LARGE1: variants seen among roughly 807,000 people sequenced by gnomAD.
LARGE1 encodes the protein LARGE xylosyl- and glucuronyltransferase 1.
In LARGE1, 43 loss-of-function variants were observed where a neutral mutation model predicts 87.6. The observed-to-expected ratio is 0.49, with a 90% CI of 0.38 to 0.63. The LOEUF is 0.63. Among genes scored for constraint, LARGE1 ranks in the 30% least tolerant of loss-of-function variants. The pLI, the probability that LARGE1 is intolerant of heterozygous loss-of-function variation, is 0.00. For synonymous variants in LARGE1, 434 were observed against 394.6 expected, an observed-to-expected ratio of 1.10 and a Z score of -1.18; for missense variants, 802 against 1,000.2, an observed-to-expected ratio of 0.80 and a Z score of 2.67.
intron 6 of LARGE1, among the ~76,000 whole-genome samples, chr22:33,533,428 A>G (rs1189974705): frequency 6.6e-6 from 1 of 152,002 alleles, no homozygotes; most frequent in Non-Finnish European, 1.5e-5. Flanking sequence ...GTCTCCCCAT[A>G]CGGCCCCTTG....
intron 9 of LARGE1, among the ~76,000 whole-genome samples, chr22:33,344,560 G>C (rs757107413): frequency 2.0e-5 from 3 of 152,140 alleles, no homozygotes; most frequent in African/African-American, 7.2e-5. Context: ...GTAGAGGCCA[G>C]CTTCTGTCTC....
intron 5 of LARGE1, among the ~76,000 whole-genome samples, chr22:33,591,798 G>C (rs1342388918): frequency 6.7e-6 from 1 of 148,486 alleles, no homozygotes; most frequent in Non-Finnish European, 1.5e-5. Flanking sequence ...GCTTGGGCCA[G>C]GAGTTCAAGA....
At chr22:33,436,325 C>A (rs1475376845) in intron 6 of LARGE1, among the ~76,000 whole-genome samples, 2 of 152,158 alleles carry the variant, frequency 1.3e-5, no homozygotes, top group Non-Finnish European at 2.9e-5. Context: ...ACCCGAAAGC[C>A]CCTGATAGAC....
chr22:33,382,972 A>T (rs2065206017), intron 8 of LARGE1, among the ~76,000 whole-genome samples: 1 of 152,260 alleles, frequency 6.6e-6, no homozygotes, highest in Non-Finnish European at 1.5e-5. Context: ...TTTAAAAAAT[A>T]GTAAAGTAAT....
At chr22:33,123,751 C>A in the LARGE1 span, among the ~76,000 whole-genome samples, 2 of 152,072 alleles carry the variant, frequency 1.3e-5, no homozygotes, top group East Asian at 3.9e-4. Context: ...CAAGGGGAGA[C>A]CTTGGAAGCT....
intron 7 of LARGE1, among the ~76,000 whole-genome samples, chr22:33,425,479 T>C (rs1163784620): frequency 6.6e-6 from 1 of 152,154 alleles, no homozygotes; most frequent in Non-Finnish European, 1.5e-5. Context: ...GGGACATCTG[T>C]TATAGCACCT....
At chr22:33,386,869 AGGTG>A (rs2065342784) in intron 7 of LARGE1, among the ~76,000 whole-genome samples, 3 of 148,924 alleles carry the variant, frequency 2.0e-5, no homozygotes, top group South Asian at 2.4e-4. Context: ...TGGGAGGCCA[AGGTG>A]GGTGGATCAC....
chr22:33,462,326 T>A (rs1053695421), intron 6 of LARGE1, among the ~76,000 whole-genome samples: 4 of 152,074 alleles, frequency 2.6e-5, no homozygotes, highest in African/African-American at 9.7e-5. Flanking sequence ...AAGACATTTT[T>A]CAGATAATAA....
At chr22:33,102,553 G>A in the LARGE1 span, among the ~76,000 whole-genome samples, 3 of 148,452 alleles carry the variant, frequency 2.0e-5, no homozygotes, top group Admixed American at 1.3e-4. Flanking sequence ...GCAGTGGCAC[G>A]ATCTCAGCTT....
In LARGE1 at chr22:33,274,279, G is replaced by C. The variant is rs991670124; in HGVS notation, c.*148C>G. On this transcript the variant is annotated 3_prime_UTR_variant, in exon 15 of 15. Coordinates refer to ENST00000397394, the MANE Select transcript of LARGE1 (RefSeq NM_133642.5). Reference sequence around the variant, plus strand: ...GGCTGGATCCTTGTCCAAGGTCTCTGTAGTGAGGGCAGCTTGGCTGGGCCA... The same window carrying C: ...GGCTGGATCCTTGTCCAAGGTCTCTCTAGTGAGGGCAGCTTGGCTGGGCCA... The C allele has an allele frequency of 1.6e-5, 13 of 797,280 alleles. No homozygotes were observed. Among genetic ancestry groups the C allele is most frequent in the Non-Finnish European group, 2.3e-5 (11 of 471,560 alleles). 49.4% of individuals were successfully genotyped at this position (797,280 alleles called of 1,614,324 possible).
chr22:33,859,732 A>G (rs1433078841), intron 1 of LARGE1, among the ~76,000 whole-genome samples: 2 of 152,244 alleles, frequency 1.3e-5, no homozygotes, highest in Admixed American at 6.5e-5. Context: ...TGTATGGTTC[A>G]TCAAGGACAT....
At position 33,337,806 on chromosome 22, in the gene LARGE1, C is replaced by A; in HGVS notation, c.1132-5G>T. ...GGGGGAGTTCCAGTGAATGACCTGG[C>A]AGGGAGATAAGGAAGTGGTCAGGTA... On this transcript the variant is annotated splice_polypyrimidine_tract_variant and splice_region_variant and intron_variant, in intron 9 of 14. Transcript: ENST00000397394. The A allele has an allele frequency of 6.2e-7, 1 of 1,614,106 alleles. No individual in the cohort carries two copies. The highest frequency in any genetic ancestry group is 8.5e-7 in the Non-Finnish European group (1 of 1,180,016).
intron 7 of LARGE1, among the ~76,000 whole-genome samples, chr22:33,428,956 A>G (rs1203268620): frequency 2.4e-4 from 30 of 126,124 alleles, no homozygotes; most frequent in Non-Finnish European, 1.8e-4. Flanking sequence ...AAAAAAAAAA[A>G]AAAAAGGAGA....
At chr22:33,230,191 T>G (rs1925939411) in intron 11 of LARGE1, among the ~76,000 whole-genome samples, 1 of 151,886 alleles carries the variant, frequency 6.6e-6, no homozygotes, top group Non-Finnish European at 1.5e-5. Flanking sequence ...TTTGTATTTT[T>G]TTAGTAGAGA....
chr22:33,677,056 CA>C (rs2081603015), intron 2 of LARGE1, among the ~76,000 whole-genome samples: 1 of 152,106 alleles, frequency 6.6e-6, no homozygotes, highest in Non-Finnish European at 1.5e-5. Context: ...ATCGACGGCT[CA>C]GAGACCTTCG....
At chr22:33,735,560 A>C (rs2083625879) in intron 2 of LARGE1, among the ~76,000 whole-genome samples, 1 of 152,182 alleles carries the variant, frequency 6.6e-6, no homozygotes, top group Admixed American at 6.5e-5. Flanking sequence ...GGAGGGTTGA[A>C]AGAACTGGTG....
intron 10 of LARGE1, among the ~76,000 whole-genome samples, chr22:33,336,903 T>A (rs922380168): frequency 8.6e-5 from 13 of 151,750 alleles, no homozygotes; most frequent in African/African-American, 3.1e-4. Flanking sequence ...CTACTAAAAA[T>A]ACAAAAAATT....
chr22:33,103,114 G>A, the LARGE1 span, among the ~76,000 whole-genome samples: 1 of 151,980 alleles, frequency 6.6e-6, no homozygotes, highest in Non-Finnish European at 1.5e-5. Flanking sequence ...ACTAGGTTAT[G>A]TGAGATGACA....
At chr22:33,421,309 A>G (rs1033129832) in intron 7 of LARGE1, among the ~76,000 whole-genome samples, 12 of 152,236 alleles carry the variant, frequency 7.9e-5, no homozygotes, top group African/African-American at 2.7e-4. Flanking sequence ...ATGCACTTTG[A>G]AAACATTAAC....
Sources: allele counts gnomAD v4.1 joint callset (sites outside exome capture counted in the v4.1 genomes callset), GRCh38; gene constraint gnomAD v4.1.1; transcripts MANE v1.5; gene names NCBI Gene and HGNC (gene_info 2026-07-23, HGNC 2026-07-21).